PLEKHA7: variants seen among roughly 807,000 people sequenced by gnomAD.
The protein encoded by PLEKHA7 is pleckstrin homology domain containing A7.
A neutral mutation model predicts 170.0 loss-of-function variants in PLEKHA7; 104 were observed. The ratio of observed to expected loss-of-function variants is 0.61; its 90% CI spans 0.52 to 0.72. PLEKHA7 has a LOEUF of 0.72. PLEKHA7 is among the 30% of genes least tolerant of loss of function. The pLI, the probability that PLEKHA7 is intolerant of heterozygous loss-of-function variation, is 0.00. For missense variants in PLEKHA7, 1,615 were observed against 1,671.7 expected, an observed-to-expected ratio of 0.97 and a Z score of 0.59; for synonymous variants, 648 against 660.8, an observed-to-expected ratio of 0.98 and a Z score of 0.30.
At chr11:16,799,492 C>G (rs529418482) in intron 17 of PLEKHA7, among the ~76,000 whole-genome samples, 4 of 151,688 alleles carry the variant, frequency 2.6e-5, no homozygotes, top group African/African-American at 9.7e-5. Context: ...TTCAAAGACA[C>G]GTATTCATGT....
chr11:16,857,375 T>TC (rs1457374856), intron 4 of PLEKHA7, among the ~76,000 whole-genome samples: 1 of 152,166 alleles, frequency 6.6e-6, no homozygotes, highest in Admixed American at 6.5e-5. Context: ...CACTCCAGAT[T>TC]CCACACCCCC....
At chr11:17,006,728 G>GA (rs1338103518) in intron 3 of PLEKHA7, among the ~76,000 whole-genome samples, 1 of 152,166 alleles carries the variant, frequency 6.6e-6, no homozygotes, top group African/African-American at 2.4e-5. Flanking sequence ...ATCTAGGGAG[G>GA]AAAATATAGA....
intron 3 of PLEKHA7, among the ~76,000 whole-genome samples, chr11:16,879,605 C>A (rs1044358251): frequency 9.9e-5 from 15 of 152,188 alleles, no homozygotes; most frequent in Admixed American, 3.3e-4. Context: ...CCAGACCCCC[C>A]ACCTGAGGGG....
chr11:16,925,283 C>A (rs1320882953), intron 3 of PLEKHA7, among the ~76,000 whole-genome samples: 1 of 152,238 alleles, frequency 6.6e-6, no homozygotes, highest in East Asian at 1.9e-4. Context: ...TTAAAAACAA[C>A]AACGGCTCCC....
At chr11:16,948,971 C>T (rs1257808311) in intron 3 of PLEKHA7, among the ~76,000 whole-genome samples, 2 of 152,170 alleles carry the variant, frequency 1.3e-5, no homozygotes, top group African/African-American at 2.4e-5. Context: ...GGCATTCAAG[C>T]CATTTAAGAT....
At chr11:17,007,471 C>G (rs555295744) in intron 3 of PLEKHA7, among the ~76,000 whole-genome samples, 1 of 152,002 alleles carries the variant, frequency 6.6e-6, no homozygotes, top group South Asian at 2.1e-4. Flanking sequence ...TACAGGCACT[C>G]GCCACCATGC....
In PLEKHA7 at chr11:16,953,458, T is replaced by G. The variant is rs372796807; in HGVS notation, c.221+60531A>C. Among the ~76,000 whole-genome samples the G allele has an allele frequency of 3.9e-5, 6 of 152,322 alleles. No individual in the cohort carries two copies. In the East Asian group the frequency reaches 9.6e-4, roughly 24 times the overall value. Reference sequence around the variant, plus strand: ...GAAAATGAACACAATAAGAACAATTTTGTACACTATTTCCAATTTAAAAGA... The same window carrying G: ...GAAAATGAACACAATAAGAACAATTGTGTACACTATTTCCAATTTAAAAGA... On this transcript the variant is annotated intron_variant, in intron 3 of 26. Coordinates refer to ENST00000531066, the MANE Select transcript of PLEKHA7 (RefSeq NM_001329630.2).
At chr11:16,894,944 GTTA>G (rs995230565) in intron 3 of PLEKHA7, among the ~76,000 whole-genome samples, 18 of 152,164 alleles carry the variant, frequency 1.2e-4, no homozygotes, top group African/African-American at 3.1e-4. Context: ...CTAGGAGGTA[GTTA>G]TTATTATTTC....
In PLEKHA7 at chr11:17,001,135, G is replaced by A. The variant is rs113551719; in HGVS notation, c.221+12854C>T. On this transcript the variant is annotated intron_variant, in intron 3 of 26. Coordinates refer to ENST00000531066, the MANE Select transcript of PLEKHA7 (RefSeq NM_001329630.2). Reference sequence around the variant, plus strand: ...GCCTGGCCTTCCTTGGTCACCCTCCGAAGCTCCCCAGCCCCAGGCACCCAT... The same window carrying A: ...GCCTGGCCTTCCTTGGTCACCCTCCAAAGCTCCCCAGCCCCAGGCACCCAT... 2.0e-3 allele frequency among the ~76,000 whole-genome samples: 303 copies of A among 152,168 alleles called. 1 individual carries two copies. Among genetic ancestry groups the A allele is most frequent in the African/African-American group, 6.9e-3 (288 of 41,526 alleles).
chr11:16,794,735 CAA>C (rs1355137040), intron 18 of PLEKHA7, 21 bp from the exon 19 acceptor site: 1 of 1,609,658 alleles, frequency 6.2e-7, no homozygotes, highest in South Asian at 1.1e-5. Flanking sequence ...TAGAAGGAAA[CAA>C]AGCACGGGAT....
intron 3 of PLEKHA7, among the ~76,000 whole-genome samples, chr11:16,876,744 A>G (rs577904212): frequency 7.9e-5 from 12 of 152,356 alleles, no homozygotes; most frequent in Non-Finnish European, 1.5e-4. Context: ...GTCAAAATGT[A>G]AATGCATCCT....
chr11:16,921,921 T>A (rs1192719610), intron 3 of PLEKHA7, among the ~76,000 whole-genome samples: 1 of 152,244 alleles, frequency 6.6e-6, no homozygotes, highest in Non-Finnish European at 1.5e-5. Context: ...AGGTATCCAG[T>A]TGCTCTTAGG....
chr11:16,792,441 T>G (rs983161389), intron 19 of PLEKHA7, among the ~76,000 whole-genome samples: 2 of 151,438 alleles, frequency 1.3e-5, no homozygotes, highest in African/African-American at 4.9e-5. Flanking sequence ...ACAAACATAA[T>G]GTTGAAGAAA....
intron 4 of PLEKHA7, among the ~76,000 whole-genome samples, chr11:16,856,214 T>C (rs1168506123): frequency 6.6e-6 from 1 of 152,210 alleles, no homozygotes; most frequent in Non-Finnish European, 1.5e-5. Context: ...CTTAATCAGG[T>C]GTCTGTGACA....
At chr11:17,006,070 TAAG>T (rs2137083090) in intron 3 of PLEKHA7, among the ~76,000 whole-genome samples, 1 of 152,262 alleles carries the variant, frequency 6.6e-6, no homozygotes, top group South Asian at 2.1e-4. Flanking sequence ...AACATCTCAA[TAAG>T]AAGGATGACA....
chr11:16,818,710 T>A (rs146263640), intron 10 of PLEKHA7, among the ~76,000 whole-genome samples: 1 of 152,228 alleles, frequency 6.6e-6, no homozygotes, highest in African/African-American at 2.4e-5. Context: ...TGTGCGTAAT[T>A]AGCCCTTCAA....
In PLEKHA7 at chr11:17,014,215, G is replaced by A; in HGVS notation, c.87-14C>T. 1.3e-6 allele frequency: 2 copies of A among 1,529,700 alleles called. No homozygotes were observed. Among genetic ancestry groups the A allele is most frequent in the Non-Finnish European group, 1.7e-6 (2 of 1,144,526 alleles). The allele number at this position is 1,529,700 out of a possible 1,614,324, so 94.8% of individuals were successfully genotyped here. A position where few individuals can be genotyped will look rare whatever the true frequency, so the allele number is the denominator to read the frequency against. On this transcript the variant is annotated splice_polypyrimidine_tract_variant and intron_variant, in intron 1 of 26. Coordinates refer to ENST00000531066, the MANE Select transcript of PLEKHA7 (RefSeq NM_001329630.2). ...CGGAGCTGGTCACTGCGGGCAGAGA[G>A]GTGCACCTGTTAGCGCCGCCACAGC...
intron 4 of PLEKHA7, among the ~76,000 whole-genome samples, chr11:16,866,780 G>A (rs758521877): frequency 1.3e-5 from 2 of 152,148 alleles, no homozygotes; most frequent in South Asian, 2.1e-4. Context: ...CAGAGCTCAT[G>A]TCCTCTGGCC....
chr11:16,973,079 G>C (rs1281036642), intron 3 of PLEKHA7, among the ~76,000 whole-genome samples: 1 of 152,196 alleles, frequency 6.6e-6, no homozygotes, highest in African/African-American at 2.4e-5. Flanking sequence ...TGCCTTACAG[G>C]CTTATTGTGA....
Sources: gnomAD v4.1 joint callset for allele counts (sites outside exome capture counted in the v4.1 genomes callset) on GRCh38, gnomAD v4.1.1 for gene constraint, MANE v1.5 for transcripts, NCBI Gene and HGNC (gene_info 2026-07-23, HGNC 2026-07-21) for gene names.